The following UROS variants were observed in gnomAD, a reference collection of about 807,000 sequenced individuals.
UROS encodes uroporphyrinogen-III synthase.
UROS carries 18 observed loss-of-function variants against 33.0 expected under a neutral mutation model. The observed-to-expected ratio is 0.55, with a 90% CI of 0.38 to 0.81. The LOEUF (loss-of-function observed/expected upper bound fraction) is 0.81, where lower values mean the gene tolerates loss of function less well. Ranked by LOEUF, UROS falls within the 30% of genes least tolerant of loss-of-function variation. The pLI is 0.00. For missense variants in UROS, 293 were observed against 314.9 expected, an observed-to-expected ratio of 0.93 and a Z score of 0.53; for synonymous variants, 114 against 121.1, an observed-to-expected ratio of 0.94 and a Z score of 0.38.
intron 5 of UROS, among the ~76,000 whole-genome samples, chr10:125,808,704 A>AC (rs1169105023): frequency 3.3e-5 from 5 of 152,216 alleles, no homozygotes; most frequent in Non-Finnish European, 5.9e-5. Flanking sequence ...TCACACCACA[A>AC]CCCTGTGAAC....
chr10:125,812,081 G>A (rs1186650903), intron 5 of UROS, 133 bp downstream of exon 5: 2 of 750,640 alleles, frequency 2.7e-6, no homozygotes, highest in Non-Finnish European at 4.5e-6. Flanking sequence ...CTTATCAGTA[G>A]TATCGTATAC....
chr10:125,811,581 C>T (rs1041101310), intron 5 of UROS, among the ~76,000 whole-genome samples: 4 of 152,184 alleles, frequency 2.6e-5, no homozygotes, highest in African/African-American at 9.7e-5. Flanking sequence ...AATTCTTAAA[C>T]TATTTTCACT....
intron 8 of UROS, 33 bp downstream of exon 8, chr10:125,796,070 A>G (rs780454998): frequency 2.5e-6 from 4 of 1,608,370 alleles, no homozygotes; most frequent in Non-Finnish European, 2.6e-6. Flanking sequence ...CTGGGCACCC[A>G]CCCTGCCAGA....
chr10:125,812,477 A>C (rs1852903139), intron 4 of UROS, among the ~76,000 whole-genome samples, 189 bp from the exon 5 acceptor site: 1 of 152,220 alleles, frequency 6.6e-6, no homozygotes, highest in African/African-American at 2.4e-5. Context: ...ATTTTTAAAA[A>C]ATTGCTTTCA....
intron 5 of UROS, among the ~76,000 whole-genome samples, chr10:125,810,644 G>A (rs1365462372): frequency 2.0e-5 from 3 of 152,120 alleles, no homozygotes; most frequent in Non-Finnish European, 4.4e-5. Context: ...CATTGGGCCT[G>A]GTCTCCTCCC....
In UROS at chr10:125,798,021, G is replaced by A. The variant is rs376199039; in HGVS notation, c.475+44C>T. ...TTCTATCACTGCAAAGGCTCCTGGT[G>A]GATCCCAAAGTGGTAAGGGATGCAG... is the stretch of plus-strand genomic sequence containing the variant. On this transcript the variant is annotated intron_variant, in intron 7 of 9. Transcript: ENST00000368797. The A allele has an allele frequency of 2.8e-5, 45 of 1,607,608 alleles. No individual in the cohort carries two copies. The African/African-American group carries it at 3.2e-4, about 11-fold the overall frequency.
chr10:125,807,182 T>A, intron 6 of UROS: 1 of 565,288 alleles, frequency 1.8e-6, no homozygotes, highest in Non-Finnish European at 3.2e-6. Flanking sequence ...TTTTGTGTTA[T>A]GTTCAAGTCA....
intron 4 of UROS, among the ~76,000 whole-genome samples, chr10:125,813,165 C>G (rs766204158): frequency 6.6e-6 from 1 of 152,220 alleles, no homozygotes; most frequent in Non-Finnish European, 1.5e-5. Flanking sequence ...AGCAGAACAA[C>G]TGGAGTGAGC....
intron 8 of UROS, among the ~76,000 whole-genome samples, chr10:125,795,811 T>G (rs747915974): frequency 2.6e-5 from 4 of 152,350 alleles, no homozygotes; most frequent in Middle Eastern, 3.4e-3. Flanking sequence ...AGTCACCACA[T>G]TAATCTCTCC....
chr10:125,808,321 G>A (rs1286253530), intron 5 of UROS, among the ~76,000 whole-genome samples: 1 of 152,154 alleles, frequency 6.6e-6, no homozygotes, highest in Non-Finnish European at 1.5e-5. Context: ...AGTAACAAAT[G>A]GCAGCTTTAA....
In UROS at chr10:125,815,107, C is replaced by T; in HGVS notation, c.171G>A (p.Gly57=). The part of the protein sequence containing the change: ...SEKLSHPEDY[G]GLIFTSPRAV... ...CTCTGGGGCTGGTAAAAATGAGTCC[C>T]CCGTAATCTTCAGGATGAGAAAGCT... The change falls in exon 4 of 10, where the codon GGG becomes GGA. Residue 57 remains glycine, a synonymous_variant. Transcript: ENST00000368797. The T allele has an allele frequency of 6.2e-7, 1 of 1,614,130 alleles. No homozygotes were observed. Among genetic ancestry groups the T allele is most frequent in the Non-Finnish European group, 8.5e-7 (1 of 1,180,024 alleles).
At chr10:125,815,784 CTGAGTTGCCTAATT>C (rs1680749559) in intron 3 of UROS, among the ~76,000 whole-genome samples, 1 of 152,212 alleles carries the variant, frequency 6.6e-6, no homozygotes, top group African/African-American at 2.4e-5. Context: ...GAGGTCTTAG[CTGAGTTGCCTAATT>C]TGAGACCCCA....
rs550424631 is a variant in UROS at position 125,816,818 on chromosome 10, G to A, written c.-26-293C>T. Among the ~76,000 whole-genome samples the A allele has an allele frequency of 6.2e-4, 95 of 152,316 alleles. No homozygotes were observed. In the Middle Eastern group the frequency reaches 0.014, roughly 22 times the overall value. ...TTATGGTTCCGGAAAGAGAACTGATGTAAATTTAGGGTTGTATCAACAACA... is the reference window on the plus strand; with the variant it reads ...TTATGGTTCCGGAAAGAGAACTGATATAAATTTAGGGTTGTATCAACAACA... On this transcript the variant is annotated intron_variant, in intron 1 of 9. Coordinates refer to ENST00000368797, the MANE Select transcript of UROS (RefSeq NM_000375.3).
In UROS at chr10:125,812,345, T is replaced by C. The variant is rs1027106887; in HGVS notation, c.245-57A>G. ...AATACCAAAGTGGCCATTTGGACTG[T>C]TGCCCAAGGCTGCTTGTTCACCCTA... On this transcript the variant is annotated intron_variant, in intron 4 of 9. Coordinates refer to ENST00000368797, the MANE Select transcript of UROS (RefSeq NM_000375.3). 9.8e-6 allele frequency: 15 copies of C among 1,526,850 alleles called. No homozygotes were observed. In the African/African-American group the frequency reaches 1.6e-4, roughly 17 times the overall value. 94.6% of individuals were successfully genotyped at this position (1,526,850 alleles called of 1,614,324 possible).
At chr10:125,805,088 G>T (rs1467869268) in intron 6 of UROS, among the ~76,000 whole-genome samples, 3 of 152,202 alleles carry the variant, frequency 2.0e-5, no homozygotes, top group Non-Finnish European at 4.4e-5. Flanking sequence ...AGCCATGTCC[G>T]AGCCGATGAA....
Position 125,816,510 on chromosome 10 carries a change from C to A in UROS, c.-11G>T, listed in dbSNP as rs754009055. The A allele has an allele frequency of 1.9e-6, 3 of 1,614,184 alleles. No homozygotes were observed. The highest frequency in any genetic ancestry group is 2.5e-6 in the Non-Finnish European group (3 of 1,180,026). On this transcript the variant is annotated 5_prime_UTR_variant, in exon 2 of 10. Coordinates refer to ENST00000368797, the MANE Select transcript of UROS (RefSeq NM_000375.3). ...TAAAAGAACCTTCATTATTGCCTGG[C>A]AGTCCTTATAGGGCACTGCGACAGA... is the stretch of plus-strand genomic sequence containing the variant.
At chr10:125,804,898 GA>G (rs1231598332) in intron 6 of UROS, among the ~76,000 whole-genome samples, 1 of 152,192 alleles carries the variant, frequency 6.6e-6, no homozygotes, top group Middle Eastern at 3.2e-3. Flanking sequence ...GGAACTTCCA[GA>G]AGACAGGAAT....
At chr10:125,815,277 C>T in intron 3 of UROS, 147 bp from the exon 4 acceptor site, 1 of 868,810 alleles carries the variant, frequency 1.2e-6, no homozygotes, top group Non-Finnish European at 1.9e-6. Flanking sequence ...TTACTGAGTG[C>T]TTACTATGTG....
intron 7 of UROS, 110 bp from the exon 8 acceptor site, chr10:125,796,298 G>T: frequency 9.2e-7 from 1 of 1,081,760 alleles, no homozygotes; most frequent in Non-Finnish European, 1.4e-6. Flanking sequence ...CCACCCTCCT[G>T]GAACGAGCTG....
Sources: allele counts gnomAD v4.1 joint callset (sites outside exome capture counted in the v4.1 genomes callset), GRCh38; gene constraint gnomAD v4.1.1; transcripts MANE v1.5; gene names NCBI Gene and HGNC (gene_info 2026-07-23, HGNC 2026-07-21).